Variants in SF3A3 observed in about 807,000 individuals in gnomAD.
The protein encoded by SF3A3 is splicing factor 3a subunit 3, also known as SAP 61.
Under a neutral mutation model 85.8 loss-of-function variants are expected in SF3A3, and 9 were observed. The ratio of observed to expected loss-of-function variants is 0.10; its 90% CI spans 0.06 to 0.18. The LOEUF (loss-of-function observed/expected upper bound fraction) is 0.18. Among genes scored for constraint, SF3A3 ranks in the 10% least tolerant of loss-of-function variants. SF3A3 has a pLI of 1.00. For synonymous variants in SF3A3, 195 were observed against 204.4 expected (o/e 0.95, Z 0.39); for missense variants, 306 against 593.3 (o/e 0.52, Z 5.03).
At chr1:37,989,462 G>A in intron 2 of SF3A3, 86 bp downstream of exon 2, 5 of 1,440,236 alleles carry the variant, frequency 3.5e-6, no homozygotes, top group Non-Finnish European at 4.8e-6. Context: ...TTTGGCCAGG[G>A]ACTCATGCTG....
At position 37,958,121 on chromosome 1, in the gene SF3A3, A is replaced by C; in HGVS notation, c.*65T>G. ...GTCTTTAAGAGGATTTGGTTGGGAG[A>C]AATAGAAAAAGCAGATCTTAGGGAA... On this transcript the variant is annotated 3_prime_UTR_variant, in exon 17 of 17. Coordinates refer to ENST00000373019, the MANE Select transcript of SF3A3 (RefSeq NM_006802.4). 1 of 1,057,196 alleles carries C rather than the reference A, an allele frequency of 9.5e-7. No individual in the cohort carries two copies. The highest frequency in any genetic ancestry group is 1.5e-6 in the Non-Finnish European group (1 of 674,098). The allele number at this position is 1,057,196 out of a possible 1,614,324, so 65.5% of individuals were successfully genotyped here.
chr1:37,974,455 A>T (rs1255414389), intron 12 of SF3A3, among the ~76,000 whole-genome samples: 1 of 151,938 alleles, frequency 6.6e-6, no homozygotes, highest in African/African-American at 2.4e-5. Context: ...GATGCCCGCC[A>T]CTATGCCTGG....
In SF3A3 at chr1:37,989,513, C is replaced by T. The variant is rs370220483; in HGVS notation, c.144+35G>A. ...CTTCCCCTCTCTTTTCCCGCCCTCGCCAACCCAAAGAGAGGCAGACAGCTG... is the reference window on the plus strand; with the variant it reads ...CTTCCCCTCTCTTTTCCCGCCCTCGTCAACCCAAAGAGAGGCAGACAGCTG... On this transcript the variant is annotated intron_variant, in intron 2 of 16. Coordinates refer to ENST00000373019, the MANE Select transcript of SF3A3 (RefSeq NM_006802.4). 1.5e-5 allele frequency: 24 copies of T among 1,606,736 alleles called. No individual in the cohort carries two copies. In the African/African-American group the frequency reaches 2.7e-4, roughly 18 times the overall value.
intron 6 of SF3A3, among the ~76,000 whole-genome samples, chr1:37,982,225 A>C (rs1156469815): frequency 6.6e-6 from 1 of 152,170 alleles, no homozygotes; most frequent in Non-Finnish European, 1.5e-5. Context: ...CAAAACAGAC[A>C]AGGGATCTGA....
At chr1:37,979,271 T>C in intron 9 of SF3A3, 194 bp downstream of exon 9, 1 of 623,246 alleles carries the variant, frequency 1.6e-6, no homozygotes, top group Non-Finnish European at 2.9e-6. Context: ...TACGGCTTAA[T>C]GTAGTTAGAA....
intron 8 of SF3A3, 146 bp downstream of exon 8, chr1:37,980,438 CAT>C (rs985442549): frequency 2.2e-5 from 16 of 716,286 alleles, no homozygotes; most frequent in East Asian, 3.1e-5. Context: ...AAAAAAAAAA[CAT>C]AGCATACTTG....
intron 14 of SF3A3, 107 bp from the exon 15 acceptor site, chr1:37,968,241 C>T (rs949183925): frequency 5.0e-5 from 36 of 723,086 alleles, no homozygotes; most frequent in Non-Finnish European, 8.0e-5. Context: ...TGCAAGACTC[C>T]ACCTAAAGGT....
At chr1:37,963,872 T>TA (rs771447218) in intron 15 of SF3A3, among the ~76,000 whole-genome samples, 1,967 of 81,794 alleles carry the variant, frequency 0.024, 108 homozygotes, top group East Asian at 0.22. Context: ...ATGATATTCT[T>TA]AAAAAAAAAA....
chr1:37,980,562 C>G lies in SF3A3; in HGVS notation c.690+24G>C, dbSNP rs775482518. 11 of 1,609,464 alleles carry G rather than the reference C, an allele frequency of 6.8e-6. No homozygotes were observed. In the Admixed American group the frequency reaches 1.3e-4, roughly 20 times the overall value. On this transcript the variant is annotated intron_variant, in intron 8 of 16. Coordinates refer to ENST00000373019, the MANE Select transcript of SF3A3 (RefSeq NM_006802.4). ...TACTTCAATTCCCTGGCATGTCCAC[C>G]ATTCACATCCCACTGAAGCTCACCG...
chr1:37,965,405 C>T (rs535196508), intron 15 of SF3A3, among the ~76,000 whole-genome samples: 50 of 151,866 alleles, frequency 3.3e-4, no homozygotes, highest in Non-Finnish European at 4.6e-4. Flanking sequence ...AGAATCTTAG[C>T]GCAGTCCCAC....
In SF3A3 at chr1:37,960,017, C is replaced by G. The variant is rs1646246314; in HGVS notation, c.1428+103G>C. 3.7e-6 allele frequency: 3 copies of G among 812,096 alleles called. No individual in the cohort carries two copies. The African/African-American group carries it at 5.1e-5, about 14-fold the overall frequency. The allele number at this position is 812,096 out of a possible 1,614,324, so 50.3% of individuals were successfully genotyped here. On this transcript the variant is annotated intron_variant, in intron 16 of 16. Transcript: ENST00000373019. ...TGTAGATATTGTCACATTCTACTCGCTGCTGCAGTACACCAGGGACCATCT... is the reference window on the plus strand; with the variant it reads ...TGTAGATATTGTCACATTCTACTCGGTGCTGCAGTACACCAGGGACCATCT...
At chr1:37,963,176 C>G (rs1012743870) in intron 15 of SF3A3, among the ~76,000 whole-genome samples, 2 of 151,836 alleles carry the variant, frequency 1.3e-5, no homozygotes, top group Non-Finnish European at 2.9e-5. Context: ...ATAAAAATTT[C>G]AAAAGAATGA....
chr1:37,989,832 C>A (rs112127178), intron 1 of SF3A3, 38 bp downstream of exon 1: 11 of 1,494,050 alleles, frequency 7.4e-6, no homozygotes, highest in African/African-American at 4.1e-5. Context: ...GATAGAGGCT[C>A]GTGCTCCTGC....
Position 37,974,291 on chromosome 1 carries a change from T to C in SF3A3, c.1005+2593A>G, listed in dbSNP as rs549849229. Among the ~76,000 whole-genome samples the C allele has an allele frequency of 3.0e-4, 38 of 127,958 alleles. No homozygotes were observed. The East Asian group carries it at 9.0e-3, about 30-fold the overall frequency. 83.9% of individuals were successfully genotyped at this position (127,958 alleles called of 152,430 possible). ...CTTTCTTCTCCTTTCCTCACCAAGATGACCACTTTTTTTTTTTTTTTTTTT... is the reference window on the plus strand; with the variant it reads ...CTTTCTTCTCCTTTCCTCACCAAGACGACCACTTTTTTTTTTTTTTTTTTT... On this transcript the variant is annotated intron_variant, in intron 12 of 16. Coordinates refer to ENST00000373019, the MANE Select transcript of SF3A3 (RefSeq NM_006802.4).
At chr1:37,967,904 A>C in intron 15 of SF3A3, 140 bp downstream of exon 15, 1 of 651,890 alleles carries the variant, frequency 1.5e-6, no homozygotes, top group Non-Finnish European at 2.8e-6. Flanking sequence ...CAGAAATGCA[A>C]TAATTATACA....
At chr1:37,961,091 T>C (rs1646254477) in intron 15 of SF3A3, among the ~76,000 whole-genome samples, 1 of 152,180 alleles carries the variant, frequency 6.6e-6, no homozygotes, top group Non-Finnish European at 1.5e-5. Context: ...CAGAACTTGA[T>C]TCCTGCGTTT....
At chr1:37,986,498 C>T (rs1646457858) in intron 4 of SF3A3, among the ~76,000 whole-genome samples, 1 of 152,018 alleles carries the variant, frequency 6.6e-6, no homozygotes, top group Non-Finnish European at 1.5e-5. Context: ...TTTCTCTTTA[C>T]CTTATTATAA....
intron 11 of SF3A3, 41 bp downstream of exon 11, chr1:37,978,679 A>G: frequency 7.6e-7 from 1 of 1,320,738 alleles, no homozygotes; most frequent in East Asian, 2.5e-5. Context: ...TGGGAATAAC[A>G]TTTAAAAGCC....
intron 11 of SF3A3, 73 bp downstream of exon 11, chr1:37,978,647 C>T: frequency 1.1e-6 from 1 of 911,156 alleles, no homozygotes; most frequent in South Asian, 1.6e-5. Flanking sequence ...TTAAAGTCTC[C>T]ACTGTGGTTA....
Sources: gnomAD v4.1 joint callset for allele counts (sites outside exome capture counted in the v4.1 genomes callset) on GRCh38, gnomAD v4.1.1 for gene constraint, MANE v1.5 for transcripts, NCBI Gene and HGNC (gene_info 2026-07-23, HGNC 2026-07-21) for gene names.